Variants in SCFD2 observed in about 807,000 individuals in gnomAD.
SCFD2 encodes the protein sec1 family domain-containing protein 2.
A neutral mutation model predicts 58.9 loss-of-function variants in SCFD2; 54 were observed. The observed-to-expected ratio is 0.92, with a 90% CI of 0.74 to 1.15. The LOEUF is 1.15. SCFD2 is among the 50% of genes most tolerant of loss of function. SCFD2 has a pLI of 0.00. For synonymous variants in SCFD2, 321 were observed against 335.9 expected (o/e 0.96, Z 0.49); for missense variants, 805 against 836.6 (o/e 0.96, Z 0.47).
chr4:52,927,441 C>T (rs1719889956), intron 5 of SCFD2, among the ~76,000 whole-genome samples: 1 of 152,192 alleles, frequency 6.6e-6, no homozygotes, highest in South Asian at 2.1e-4. Context: ...GCAGCACAAT[C>T]TGAGGACAGA....
chr4:53,172,945 C>G (rs957730636), intron 4 of SCFD2, among the ~76,000 whole-genome samples: 20 of 152,124 alleles, frequency 1.3e-4, no homozygotes, highest in South Asian at 6.2e-4. Context: ...ACTGAGGTCT[C>G]CCACTATTAC....
chr4:53,290,368 G>A (rs149904405), intron 3 of SCFD2, among the ~76,000 whole-genome samples: 1 of 151,938 alleles, frequency 6.6e-6, no homozygotes, highest in Non-Finnish European at 1.5e-5. Context: ...ACATGCTCCT[G>A]AACAAACATG....
intron 4 of SCFD2, among the ~76,000 whole-genome samples, chr4:53,235,876 A>T (rs11133252): frequency 0.69 from 105,250 of 152,108 alleles, 36,648 homozygotes; most frequent in Middle Eastern, 0.78. Context: ...ACACTGGAGT[A>T]AATACTGAAT....
rs761831971 is a variant in SCFD2 at position 52,907,444 on chromosome 4, A to T, written c.1842+13T>A. The T allele has an allele frequency of 3.1e-6, 5 of 1,613,192 alleles. No individual in the cohort carries two copies. The African/African-American group carries it at 6.7e-5, about 22-fold the overall frequency. Reference sequence around the variant, plus strand: ...TTTCTACACTCAGGATTACCTCTCCATGGTTACTTTACCTTCATGAACATG... The same window carrying T: ...TTTCTACACTCAGGATTACCTCTCCTTGGTTACTTTACCTTCATGAACATG... On this transcript the variant is annotated intron_variant, in intron 7 of 8. Coordinates refer to ENST00000401642, the MANE Select transcript of SCFD2 (RefSeq NM_152540.4).
rs185082268 is a variant in SCFD2, at chr4:52,916,489, G to A, written c.1707+4236C>T. Among the ~76,000 whole-genome samples, 183 of 152,276 alleles carry A rather than the reference G, an allele frequency of 1.2e-3. 1 individual carries two copies. The Middle Eastern group carries it at 0.014, about 11-fold the overall frequency. ...TTTGGGAGGCTGAGGCATGAGAATC[G>A]CTTGAACCTGGGAGGCAGAGGTTGC... On this transcript the variant is annotated intron_variant, in intron 6 of 8. Coordinates refer to ENST00000401642, the MANE Select transcript of SCFD2 (RefSeq NM_152540.4).
intron 5 of SCFD2, among the ~76,000 whole-genome samples, chr4:53,004,536 T>C (rs1450257612): frequency 6.6e-6 from 1 of 152,192 alleles, no homozygotes; most frequent in Admixed American, 6.5e-5. Context: ...TGATTCCTTT[T>C]GACAGAGGAA....
intron 4 of SCFD2, among the ~76,000 whole-genome samples, chr4:53,159,456 T>C (rs1250876047): frequency 1.3e-5 from 2 of 152,114 alleles, no homozygotes; most frequent in Non-Finnish European, 2.9e-5. Flanking sequence ...GGAATCCAAA[T>C]CCTTGGGACA....
chr4:52,968,453 A>G (rs1339743026), intron 5 of SCFD2, among the ~76,000 whole-genome samples: 4 of 152,202 alleles, frequency 2.6e-5, no homozygotes, highest in Non-Finnish European at 5.9e-5. Flanking sequence ...TGGTCTTCCA[A>G]TCTGTGGCCG....
intron 4 of SCFD2, among the ~76,000 whole-genome samples, chr4:53,177,385 G>C (rs2148943016): frequency 6.6e-6 from 1 of 152,328 alleles, no homozygotes; most frequent in South Asian, 2.1e-4. Context: ...ATCTGGAGGA[G>C]AGAGGGCCAA....
chr4:53,233,179 G>C (rs1729492119), intron 4 of SCFD2, among the ~76,000 whole-genome samples: 1 of 152,002 alleles, frequency 6.6e-6, no homozygotes. Flanking sequence ...ATCAATTAGT[G>C]TTATGTCCTT....
At chr4:53,111,735 A>G (rs910106339) in intron 5 of SCFD2, among the ~76,000 whole-genome samples, 8 of 152,144 alleles carry the variant, frequency 5.3e-5, no homozygotes, top group African/African-American at 1.4e-4. Context: ...TGATTGTATT[A>G]TCTGAAAATT....
intron 8 of SCFD2, among the ~76,000 whole-genome samples, chr4:52,881,078 AT>A (rs1219661496): frequency 2.0e-5 from 3 of 152,186 alleles, no homozygotes; most frequent in Non-Finnish European, 4.4e-5. Flanking sequence ...CAATGCACCC[AT>A]TTTCTCTCAT....
intron 1 of SCFD2, among the ~76,000 whole-genome samples, chr4:53,354,991 A>T (rs1396559478): frequency 6.6e-6 from 1 of 152,112 alleles, no homozygotes; most frequent in Non-Finnish European, 1.5e-5. Flanking sequence ...AATTAAGCCA[A>T]TTGCTTCAAG....
chr4:53,317,659 G>A (rs968286769), intron 2 of SCFD2, among the ~76,000 whole-genome samples: 12 of 152,140 alleles, frequency 7.9e-5, no homozygotes, highest in East Asian at 5.8e-4. Context: ...TATATGCAAC[G>A]GCCAGTGTGG....
chr4:53,216,344 G>A (rs1267334450), intron 4 of SCFD2, among the ~76,000 whole-genome samples: 1 of 152,114 alleles, frequency 6.6e-6, no homozygotes, highest in African/African-American at 2.4e-5. Flanking sequence ...GGTCTATTCA[G>A]AGATTCAACT....
intron 3 of SCFD2, among the ~76,000 whole-genome samples, chr4:53,277,541 C>T (rs1325925582): frequency 6.6e-6 from 1 of 152,146 alleles, no homozygotes; most frequent in Admixed American, 6.6e-5. Flanking sequence ...AAAGGCTCTA[C>T]ATGATATGAA....
At chr4:53,329,930 G>A (rs1404650055) in intron 2 of SCFD2, among the ~76,000 whole-genome samples, 540 of 134,662 alleles carry the variant, frequency 4.0e-3, no homozygotes, top group South Asian at 7.3e-3. Context: ...ACCAAGGCTC[G>A]AGAACTACAT....
intron 5 of SCFD2, among the ~76,000 whole-genome samples, chr4:53,114,132 T>C (rs1301328217): frequency 6.6e-6 from 1 of 152,114 alleles, no homozygotes; most frequent in Non-Finnish European, 1.5e-5. Context: ...AGACAATAAT[T>C]GTACATATCT....
chr4:53,228,595 A>G (rs1729309367), intron 4 of SCFD2, among the ~76,000 whole-genome samples: 1 of 152,188 alleles, frequency 6.6e-6, no homozygotes, highest in Admixed American at 6.5e-5. Flanking sequence ...AACTCTCAAT[A>G]AATTAGGTAT....
Sources: allele counts gnomAD v4.1 joint callset (sites outside exome capture counted in the v4.1 genomes callset), GRCh38; gene constraint gnomAD v4.1.1; transcripts MANE v1.5; gene names NCBI Gene and HGNC (gene_info 2026-07-23, HGNC 2026-07-21).